TLR6: variants seen among roughly 807,000 people sequenced by gnomAD.
TLR6 encodes toll-like receptor 6.
In TLR6, 9 loss-of-function variants were observed where a neutral mutation model predicts 16.1. The observed-to-expected ratio is 0.56, with a 90% CI of 0.34 to 0.98. The LOEUF is 0.98. Among genes scored for constraint, TLR6 ranks in the 50% least tolerant of loss-of-function variants. The pLI, the probability that TLR6 is intolerant of heterozygous loss-of-function variation, is 0.02. For missense variants in TLR6, 786 were observed against 921.0 expected, an observed-to-expected ratio of 0.85 and a Z score of 1.90; for synonymous variants, 340 against 338.6, an observed-to-expected ratio of 1.00 and a Z score of -0.04.
chr4:38,827,445 T>C, exon 2 of TLR6: 1 of 1,614,230 alleles, frequency 6.2e-7, no homozygotes, highest in Non-Finnish European at 8.5e-7. Context: ...GGGACAAAGT[T>C]TCTCTCATGA....
chr4:38,840,235 T>C (rs1468355885), intron 1 of TLR6, among the ~76,000 whole-genome samples: 1 of 152,270 alleles, frequency 6.6e-6, no homozygotes, highest in Non-Finnish European at 1.5e-5. Context: ...GCATTCCTTC[T>C]GGCTGATGAA....
intron 1 of TLR6, among the ~76,000 whole-genome samples, chr4:38,855,906 A>T (rs1349178407): frequency 6.6e-6 from 1 of 152,206 alleles, no homozygotes; most frequent in African/African-American, 2.4e-5. Flanking sequence ...TAAATGCATC[A>T]AATAAAAAGG....
At chr4:38,854,815 G>C (rs1712905071) in intron 1 of TLR6, among the ~76,000 whole-genome samples, 1 of 152,088 alleles carries the variant, frequency 6.6e-6, no homozygotes, top group Non-Finnish European at 1.5e-5. Flanking sequence ...GAAAAAATCA[G>C]AATGTCTAGT....
intron 1 of TLR6, among the ~76,000 whole-genome samples, chr4:38,843,077 C>G (rs1371465962): frequency 6.6e-6 from 1 of 152,208 alleles, no homozygotes; most frequent in Non-Finnish European, 1.5e-5. Context: ...GAGATAACTA[C>G]TTTCTCAGGG....
chr4:38,830,525 C>G (rs114845735), intron 1 of TLR6, among the ~76,000 whole-genome samples: 1 of 151,986 alleles, frequency 6.6e-6, no homozygotes, highest in African/African-American at 2.4e-5. Context: ...AGCCAGCCTG[C>G]GCAACATAGT....
chr4:38,828,313 A>T, exon 2 of TLR6: 1 of 1,613,512 alleles, frequency 6.2e-7, no homozygotes, highest in Non-Finnish European at 8.5e-7. Context: ...CTTTTAATCC[A>T]TTCTTTTGTA....
chr4:38,868,189 G>A, the TLR6 span: 2 of 201,910 alleles, frequency 9.9e-6, no homozygotes, highest in East Asian at 1.3e-4. Context: ...AAAGTATCCA[G>A]TCCTGGCACC....
intron 1 of TLR6, among the ~76,000 whole-genome samples, chr4:38,832,446 C>T (rs1711656666): frequency 6.6e-6 from 1 of 152,190 alleles, no homozygotes; most frequent in African/African-American, 2.4e-5. Context: ...AATGTTTCCA[C>T]TATGGACTCC....
At chr4:38,838,242 G>T (rs1712037414) in intron 1 of TLR6, among the ~76,000 whole-genome samples, 1 of 152,166 alleles carries the variant, frequency 6.6e-6, no homozygotes, top group Admixed American at 6.5e-5. Context: ...CCCCACTTCT[G>T]GATGTTTATC....
At chr4:38,851,705 G>A (rs917083771) in intron 1 of TLR6, among the ~76,000 whole-genome samples, 8 of 152,120 alleles carry the variant, frequency 5.3e-5, no homozygotes, top group African/African-American at 1.7e-4. Flanking sequence ...TCTTCAAGGA[G>A]AACTACAAAC....
At chr4:38,838,828 G>A (rs2109438550) in intron 1 of TLR6, among the ~76,000 whole-genome samples, 1 of 147,698 alleles carries the variant, frequency 6.8e-6, no homozygotes, top group East Asian at 2.1e-4. Flanking sequence ...GTATGTATGT[G>A]TCAAATATTG....
At chr4:38,840,456 A>G (rs565545712) in intron 1 of TLR6, among the ~76,000 whole-genome samples, 85 of 151,958 alleles carry the variant, frequency 5.6e-4, no homozygotes, top group African/African-American at 1.9e-3. Flanking sequence ...ATATGGTGAA[A>G]CCCCGTCTCT....
At chr4:38,840,101 A>G (rs1308189648) in intron 1 of TLR6, among the ~76,000 whole-genome samples, 1 of 152,218 alleles carries the variant, frequency 6.6e-6, no homozygotes, top group Non-Finnish European at 1.5e-5. Flanking sequence ...AGGTGTTACC[A>G]ATAAAGTTTG....
upstream of TLR6, among the ~76,000 whole-genome samples, chr4:38,858,740 A>C (rs28491330): frequency 8.4e-3 from 1,091 of 130,606 alleles, 17 homozygotes; most frequent in African/African-American, 0.032. Context: ...AGAAAGAAAG[A>C]AAGAGAGAGA....
chr4:38,843,783 A>T (rs1180080466), intron 1 of TLR6: 2 of 152,286 alleles, frequency 1.3e-5, no homozygotes, highest in Non-Finnish European at 2.9e-5. Flanking sequence ...TGAAAAATCC[A>T]CTTGGCCACT....
In TLR6 at chr4:38,853,379, T is replaced by TA. The variant is rs1391372464; in HGVS notation, c.-65+3381dup. Among the ~76,000 whole-genome samples, 239 of 137,884 alleles carry TA rather than the reference T, an allele frequency of 1.7e-3. 1 individual carries two copies. Among genetic ancestry groups the TA allele is most frequent in the African/African-American group, 5.5e-3 (215 of 38,932 alleles). The allele number at this position is 137,884 out of a possible 152,430, so 90.5% of individuals were successfully genotyped here. On this transcript the variant is annotated intron_variant, in intron 1 of 1. Transcript: ENST00000436693. ...ATGTACCCTAGAACTTAAAGTATAATAATAAAAAAAAAAGAATGCACACAT... is the reference window on the plus strand; with the variant it reads ...ATGTACCCTAGAACTTAAAGTATAATAAATAAAAAAAAAAGAATGCACACAT...
At chr4:38,827,474 T>C in exon 2 of TLR6, 2 of 1,614,218 alleles carry the variant, frequency 1.2e-6, no homozygotes, top group Non-Finnish European at 1.7e-6. Context: ...CTGTATATCT[T>C]CTTTTTCTAG....
At chr4:38,841,313 G>A (rs145753430) in intron 1 of TLR6, among the ~76,000 whole-genome samples, 15 of 152,246 alleles carry the variant, frequency 9.9e-5, no homozygotes, top group African/African-American at 2.6e-4. Flanking sequence ...AACTTCTGCC[G>A]GGAGCAGAGG....
chr4:38,823,960 T>C (rs562679704), exon 2 of TLR6: 1 of 152,276 alleles, frequency 6.6e-6, no homozygotes, highest in South Asian at 2.1e-4. Context: ...CAGTGGCAGA[T>C]GGGGAGGAGC....
Sources: allele counts gnomAD v4.1 joint callset (sites outside exome capture counted in the v4.1 genomes callset), GRCh38; gene constraint gnomAD v4.1.1; transcripts MANE v1.5; gene names NCBI Gene and HGNC (gene_info 2026-07-23, HGNC 2026-07-21).